The following MRPL34 variants were observed in gnomAD, a reference collection of about 807,000 sequenced individuals.
MRPL34 encodes the protein mitochondrial ribosomal protein L34.
A neutral mutation model predicts 6.7 loss-of-function variants in MRPL34; 8 were observed. That is an observed-to-expected ratio of 1.20 (90% CI 0.70 to 2.16). The LOEUF is 2.16. MRPL34 is among the 30% of genes most tolerant of loss of function. The probability of loss-of-function intolerance (pLI) is 0.00; values close to 1 mark genes in which losing one functional copy is unlikely to be tolerated. For synonymous variants in MRPL34, 59 were observed against 55.1 expected, an observed-to-expected ratio of 1.07 and a Z score of -0.31; for missense variants, 146 against 125.5, an observed-to-expected ratio of 1.16 and a Z score of -0.78.
At chr19:17,294,622 A>T (rs1249999257) in intron 1 of MRPL34, 1 of 1,608,180 alleles carries the variant, frequency 6.2e-7, no homozygotes, top group Non-Finnish European at 8.5e-7. Context: ...ACTCGAGCAG[A>T]TGCCTGGGTT....
At chr19:17,301,526 C>A (rs968935995), upstream of MRPL34, 1 of 1,610,406 alleles carries the variant, frequency 6.2e-7, no homozygotes, top group Non-Finnish European at 8.5e-7. Flanking sequence ...GTGTAGCCAT[C>A]GCTGGACTCG....
upstream of MRPL34, among the ~76,000 whole-genome samples, chr19:17,301,978 G>C (rs1469836787): frequency 6.6e-6 from 1 of 152,074 alleles, no homozygotes; most frequent in Non-Finnish European, 1.5e-5. Flanking sequence ...ATTTTTTGTA[G>C]AGATGGGGTT....
intron 1 of MRPL34, chr19:17,294,176 C>G (rs368930959): frequency 7.4e-7 from 1 of 1,346,340 alleles, no homozygotes; most frequent in Non-Finnish European, 1.0e-6. Context: ...CACGCCCCCT[C>G]GGGAAGAAAG....
intron 1 of MRPL34, among the ~76,000 whole-genome samples, chr19:17,295,086 G>A (rs28706929): frequency 0.032 from 3,849 of 121,194 alleles, 196 homozygotes; most frequent in African/African-American, 0.11. Flanking sequence ...ACCACACCCA[G>A]GTAATTTTTT....
chr19:17,306,276 A>G lies in MRPL34; in HGVS notation c.176A>G (p.Lys59Arg). The change falls in exon 2 of 2, where the codon AAA (lysine) becomes AGA (arginine). Residue 59 changes from lysine to arginine, a missense_variant. By Grantham distance (26) the Lys-to-Arg change is conservative (BLOSUM62 2). Transcript: ENST00000252602. ...RGNEYQPSNI[K>R]RKNKHGWVRR... The stretch of plus-strand genomic sequence containing the variant: ...AATGAGTATCAGCCGAGCAACATCA[A>G]ACGCAAGAACAAGCACGGCTGGGTC... 1 of 1,608,468 alleles carries G rather than the reference A, an allele frequency of 6.2e-7. No individual in the cohort carries two copies. The highest frequency in any genetic ancestry group is 1.1e-5 in the South Asian group (1 of 90,374).
intron 1 of MRPL34, chr19:17,294,860 TG>T (rs753900162): frequency 2.5e-6 from 4 of 1,611,234 alleles, no homozygotes; most frequent in Non-Finnish European, 3.4e-6. Flanking sequence ...CCGGAACGGG[TG>T]GGGTGATAGG....
chr19:17,297,592 C>T (rs1379344015), intron 1 of MRPL34, among the ~76,000 whole-genome samples: 1 of 152,136 alleles, frequency 6.6e-6, no homozygotes, highest in Non-Finnish European at 1.5e-5. Flanking sequence ...CTGTGCCCAG[C>T]AGGTGGGTGC....
At chr19:17,304,340 A>G (rs1364067904), upstream of MRPL34, among the ~76,000 whole-genome samples, 3 of 152,146 alleles carry the variant, frequency 2.0e-5, no homozygotes, top group African/African-American at 7.2e-5. Context: ...CACTTTCCTG[A>G]GCCTCCGTTT....
At chr19:17,294,444 G>A in intron 1 of MRPL34, 1 of 1,614,172 alleles carries the variant, frequency 6.2e-7, no homozygotes, top group Non-Finnish European at 8.5e-7. Context: ...ATGACACGTT[G>A]AAAGCGTTGC....
upstream of MRPL34, chr19:17,301,274 C>T: frequency 6.2e-7 from 1 of 1,603,822 alleles, no homozygotes; most frequent in Non-Finnish European, 8.5e-7. Flanking sequence ...TCCAGGGCGG[C>T]CGGCGGCTCC....
chr19:17,294,358 A>G, intron 1 of MRPL34: 1 of 1,613,658 alleles, frequency 6.2e-7, no homozygotes, highest in Non-Finnish European at 8.5e-7. Flanking sequence ...CAGGACGGGC[A>G]CGGTGAGCTC....
upstream of MRPL34, chr19:17,300,815 C>G: frequency 6.5e-7 from 1 of 1,546,670 alleles, no homozygotes. Context: ...CCCTGCTGAC[C>G]CCATCCCTCA....
intron 1 of MRPL34, among the ~76,000 whole-genome samples, chr19:17,295,938 T>A (rs956040085): frequency 6.6e-6 from 1 of 152,164 alleles, no homozygotes; most frequent in Non-Finnish European, 1.5e-5. Flanking sequence ...CTTGAACTCC[T>A]GGGCTCAAGT....
At chr19:17,304,316 C>T (rs7250482), upstream of MRPL34, among the ~76,000 whole-genome samples, 53,801 of 152,066 alleles carry the variant, frequency 0.35, 9,908 homozygotes, top group South Asian at 0.42. Flanking sequence ...TGTGTGACCT[C>T]GGGCAAGTTA....
At position 17,306,616 on chromosome 19, in the gene MRPL34, C is replaced by A. The variant is rs979346987; in HGVS notation, c.*237C>A. The A allele has an allele frequency of 4.8e-5, 20 of 414,054 alleles. No individual in the cohort carries two copies. Among genetic ancestry groups the A allele is most frequent in the African/African-American group, 4.0e-4 (19 of 47,904 alleles). 25.6% of individuals were successfully genotyped at this position (414,054 alleles called of 1,614,324 possible). A position where few individuals can be genotyped will look rare whatever the true frequency, so the allele number is the denominator to read the frequency against. On this transcript the variant is annotated 3_prime_UTR_variant, in exon 2 of 2. Transcript: ENST00000252602. ...GAACAGTACAAAGAACATCCGTGTA[C>A]CCAGTACCCTGACTACCGACTACCT...
rs1381596252 is a variant in MRPL34, at chr19:17,306,199, A to G, written c.99A>G (p.Pro33=). The G allele has an allele frequency of 4.5e-6, 7 of 1,547,562 alleles. No individual in the cohort carries two copies. In the South Asian group the frequency reaches 7.1e-5, roughly 16 times the overall value. The change falls in exon 2 of 2, where the codon CCA becomes CCG. Residue 33 remains proline (P), a synonymous_variant. Transcript: ENST00000252602. The stretch of plus-strand genomic sequence containing the variant: ...AGCCCCGGGCCTGGCTGGGGTTCCC[A>G]GACGCCTGGGGCCTCCCCACCCCGC... ...WLQPRAWLGF[P]DAWGLPTPQQ... is the part of the protein sequence containing the mutation.
At chr19:17,303,627 A>G (rs1327515865), upstream of MRPL34, among the ~76,000 whole-genome samples, 1 of 152,090 alleles carries the variant, frequency 6.6e-6, no homozygotes, top group African/African-American at 2.4e-5. Flanking sequence ...CTCAAGGCGG[A>G]GAAGGGGGTT....
intron 1 of MRPL34, chr19:17,294,160 G>A: frequency 5.1e-6 from 6 of 1,187,504 alleles, no homozygotes; most frequent in Non-Finnish European, 5.8e-6. Flanking sequence ...ACGCCCACCC[G>A]GCAGCCACGC....
At chr19:17,303,712 T>C (rs2074132743), upstream of MRPL34, among the ~76,000 whole-genome samples, 1 of 152,064 alleles carries the variant, frequency 6.6e-6, no homozygotes, top group Non-Finnish European at 1.5e-5. Flanking sequence ...TCCCAAGCCC[T>C]TGCCCCCCAG....
Sources: gnomAD v4.1 joint callset for allele counts (sites outside exome capture counted in the v4.1 genomes callset) on GRCh38, gnomAD v4.1.1 for gene constraint, MANE v1.5 for transcripts, NCBI Gene and HGNC (gene_info 2026-07-23, HGNC 2026-07-21) for gene names.